Variants in RIC1 observed in about 807,000 individuals in gnomAD.
RIC1 encodes guanine nucleotide exchange factor subunit RIC1.
A neutral mutation model predicts 169.0 loss-of-function variants in RIC1; 88 were observed. The observed-to-expected ratio is 0.52, with a 90% CI of 0.44 to 0.62. The LOEUF (loss-of-function observed/expected upper bound fraction) is 0.62. Among genes scored for constraint, RIC1 ranks in the 20% least tolerant of loss-of-function variants. The probability of loss-of-function intolerance (pLI) is 0.00; values close to 1 mark genes in which losing one functional copy is unlikely to be tolerated. For synonymous variants in RIC1, 790 were observed against 601.5 expected, an observed-to-expected ratio of 1.31 and a Z score of -4.59; for missense variants, 1,877 against 1,725.5, an observed-to-expected ratio of 1.09 and a Z score of -1.56.
At chr9:5,652,941 C>G (rs1818888141) in intron 1 of RIC1, among the ~76,000 whole-genome samples, 1 of 152,088 alleles carries the variant, frequency 6.6e-6, no homozygotes, top group Admixed American at 6.5e-5. Flanking sequence ...AATGCTTTTT[C>G]TGCCTCTCCT....
Position 5,770,113 on chromosome 9 carries a change from T to C in RIC1, c.3451T>C (p.Ser1151Pro). Residue 1151 changes from serine (S) to proline (P), a missense_variant, in exon 23 of 26, where the codon TCA becomes CCA. By Grantham distance (74) the Ser-to-Pro change is moderately conservative. This residue lies in a region of RIC1 where 681 missense variants were observed against 582.0 expected (regional missense o/e 1.17). Coordinates refer to ENST00000414202, the MANE Select transcript of RIC1 (RefSeq NM_020829.4). Reference sequence around the variant, plus strand: ...GGGAGAGCAGCTGTTAAAGTCTCAATCAGCTGACCCATTTTTGAACCTTGA... The same window carrying C: ...GGGAGAGCAGCTGTTAAAGTCTCAACCAGCTGACCCATTTTTGAACCTTGA... ...TVGEQLLKSQ[S>P]ADPFLNLEMD... is the part of the protein sequence containing the mutation. 6.2e-7 allele frequency: 1 copy of C among 1,613,176 alleles called. No individual in the cohort carries two copies. Among genetic ancestry groups the C allele is most frequent in the South Asian group, 1.1e-5 (1 of 90,950 alleles).
At chr9:5,743,555 T>C in intron 9 of RIC1, 134 bp from the exon 10 acceptor site, 1 of 699,114 alleles carries the variant, frequency 1.4e-6, no homozygotes, top group African/African-American at 1.8e-5. Context: ...CCCACAGTTT[T>C]GTATTTCATG....
intron 12 of RIC1, among the ~76,000 whole-genome samples, chr9:5,750,308 A>C (rs777935591): frequency 6.6e-6 from 1 of 151,872 alleles, no homozygotes; most frequent in South Asian, 2.1e-4. Flanking sequence ...ACATAAATCT[A>C]TTATCCATTG....
In RIC1 at chr9:5,653,843, G is replaced by C. The variant is rs531401724; in HGVS notation, c.145-2740G>C. Among the ~76,000 whole-genome samples, 4 of 152,040 alleles carry C rather than the reference G, an allele frequency of 2.6e-5. No individual in the cohort carries two copies. In the South Asian group the frequency reaches 6.2e-4, roughly 24 times the overall value. ...AAACTTTTGACCTGGTGATCTGCCTGCCTCAGCCTCCCAAAGTGCTGGGAT... is the reference window on the plus strand; with the variant it reads ...AAACTTTTGACCTGGTGATCTGCCTCCCTCAGCCTCCCAAAGTGCTGGGAT... On this transcript the variant is annotated intron_variant, in intron 1 of 25. Coordinates refer to ENST00000414202, the MANE Select transcript of RIC1 (RefSeq NM_020829.4).
At chr9:5,711,881 T>A (rs796546029) in intron 3 of RIC1, among the ~76,000 whole-genome samples, 1 of 152,156 alleles carries the variant, frequency 6.6e-6, no homozygotes, top group Non-Finnish European at 1.5e-5. Context: ...CAGCTTCATC[T>A]ATGTCCCTAC....
chr9:5,644,707 TGTGA>T (rs767247644), intron 1 of RIC1, among the ~76,000 whole-genome samples: 6 of 152,222 alleles, frequency 3.9e-5, no homozygotes, highest in African/African-American at 9.6e-5. Context: ...TTTGAATGAT[TGTGA>T]GTAATACTGC....
chr9:5,754,812 T>C, intron 14 of RIC1, 29 bp from the exon 15 acceptor site: 1 of 1,376,902 alleles, frequency 7.3e-7, no homozygotes, highest in Non-Finnish European at 1.0e-6. Context: ...TAGCATAAGG[T>C]AAATTTTTTA....
chr9:5,702,020 A>G (rs1164908118), intron 3 of RIC1, among the ~76,000 whole-genome samples: 1 of 152,196 alleles, frequency 6.6e-6, no homozygotes, highest in Non-Finnish European at 1.5e-5. Flanking sequence ...TTACTCATTT[A>G]AGACATTTGT....
chr9:5,675,855 T>C (rs2130602156), intron 2 of RIC1, among the ~76,000 whole-genome samples: 1 of 152,342 alleles, frequency 6.6e-6, no homozygotes, highest in South Asian at 2.1e-4. Flanking sequence ...ATTATGCTAT[T>C]CATAATATGC....
intron 6 of RIC1, among the ~76,000 whole-genome samples, chr9:5,726,008 G>A (rs1823954529): frequency 6.6e-6 from 1 of 152,190 alleles, no homozygotes; most frequent in Admixed American, 6.5e-5. Context: ...GTGATGTGGT[G>A]CTGAGAAGAA....
intron 1 of RIC1, among the ~76,000 whole-genome samples, chr9:5,629,947 A>G (rs549818056): frequency 1.3e-5 from 2 of 152,344 alleles, no homozygotes; most frequent in African/African-American, 4.8e-5. Context: ...TACAAACTAC[A>G]GCCTGAATTC....
rs1030142248 is a variant in RIC1, at chr9:5,762,964, A to G, written c.2113-176A>G. Among the ~76,000 whole-genome samples the G allele has an allele frequency of 1.3e-4, 20 of 152,202 alleles. 1 individual carries two copies. The highest frequency in any genetic ancestry group is 1.1e-3 in the Admixed American group (17 of 15,282). On this transcript the variant is annotated intron_variant, in intron 18 of 25. Transcript: ENST00000414202. ...GTGTTTTGTTTTCAGATTTAAGTGT[A>G]TATACTTTAAAAGGCCAGGATACTT...
rs1827454946 is a variant in RIC1 at position 5,774,295 on chromosome 9, AG to A, written c.*50del. ...GCAGTATTAATTAGCAGCAGCGTGC[AG>A]CTCAGTACGTTGTAACATAGTTGGA... On this transcript the variant is annotated 3_prime_UTR_variant, in exon 26 of 26. Transcript: ENST00000414202. 1 of 1,478,042 alleles carries A rather than the reference AG, an allele frequency of 6.8e-7. No homozygotes were observed. Among genetic ancestry groups the A allele is most frequent in the Non-Finnish European group, 9.2e-7 (1 of 1,089,886 alleles). The allele number at this position is 1,478,042 out of a possible 1,614,324, so 91.6% of individuals were successfully genotyped here.
In RIC1 at chr9:5,678,200, G is replaced by C. The variant is rs190649362; in HGVS notation, c.253-11759G>C. ...ACTCATCCTTTTTTATGGCTGCATA[G>C]TATTCCATGGTATATATGTGCCACA... On this transcript the variant is annotated intron_variant, in intron 2 of 25. Transcript: ENST00000414202. Among the ~76,000 whole-genome samples, 40 of 152,242 alleles carry C rather than the reference G, an allele frequency of 2.6e-4. No homozygotes were observed. The South Asian group carries it at 5.8e-3, about 22-fold the overall frequency.
intron 12 of RIC1, among the ~76,000 whole-genome samples, chr9:5,750,689 G>C (rs1411395455): frequency 6.6e-6 from 1 of 151,830 alleles, no homozygotes; most frequent in Non-Finnish European, 1.5e-5. Flanking sequence ...TAAGGGTAGA[G>C]TTTCTGTACC....
intron 7 of RIC1, among the ~76,000 whole-genome samples, 182 bp from the exon 8 acceptor site, chr9:5,738,268 G>A (rs751225476): frequency 6.6e-6 from 1 of 152,090 alleles, no homozygotes; most frequent in African/African-American, 2.4e-5. Context: ...GGATATATCT[G>A]GAAGTGAAAT....
chr9:5,759,035 G>A (rs1168940063), intron 17 of RIC1, among the ~76,000 whole-genome samples: 2 of 151,714 alleles, frequency 1.3e-5, no homozygotes, highest in African/African-American at 4.8e-5. Flanking sequence ...GAGCCATCGT[G>A]CTCGGCCTTG....
intron 11 of RIC1, 34 bp downstream of exon 11, chr9:5,746,117 CTTT>C (rs767034984): frequency 2.6e-6 from 4 of 1,563,136 alleles, no homozygotes; most frequent in Non-Finnish European, 2.6e-6. Flanking sequence ...TTTTTAGTGT[CTTT>C]TGTGTTAGAA....
intron 6 of RIC1, among the ~76,000 whole-genome samples, chr9:5,724,677 TATG>T (rs940392520): frequency 1.3e-5 from 2 of 152,202 alleles, no homozygotes; most frequent in African/African-American, 4.8e-5. Flanking sequence ...GCCCATTCAG[TATG>T]ATATTTGTGG....
Sources: gnomAD v4.1 joint callset for allele counts (sites outside exome capture counted in the v4.1 genomes callset) on GRCh38, gnomAD v4.1.1 for gene constraint, gnomAD v4.1.1 regional missense constraint, MANE v1.5 for transcripts, NCBI Gene and HGNC (gene_info 2026-07-23, HGNC 2026-07-21) for gene names.